Variants in PFKFB2 observed in about 807,000 individuals in gnomAD.
PFKFB2 encodes the protein 6-phosphofructo-2-kinase/fructose-2,6-biphosphatase 2.
A neutral mutation model predicts 68.0 loss-of-function variants in PFKFB2; 53 were observed. That is an observed-to-expected ratio of 0.78 (90% CI 0.63 to 0.98). The LOEUF (loss-of-function observed/expected upper bound fraction) is 0.98. Ranked by LOEUF, PFKFB2 falls within the 50% of genes least tolerant of loss-of-function variation. The pLI, the probability that PFKFB2 is intolerant of heterozygous loss-of-function variation, is 0.00. For synonymous variants in PFKFB2, 222 were observed against 227.6 expected (o/e 0.98, Z 0.22); for missense variants, 451 against 642.0 (o/e 0.70, Z 3.22).
intron 1 of PFKFB2, among the ~76,000 whole-genome samples, chr1:207,041,455 A>G (rs1227271463): frequency 1.3e-5 from 2 of 151,388 alleles, no homozygotes; most frequent in African/African-American, 4.9e-5. Flanking sequence ...TCATTGTTCA[A>G]CTCCCACTTA....
chr1:207,042,248 C>A (rs1682490004), intron 2 of PFKFB2: 1 of 152,054 alleles, frequency 6.6e-6, no homozygotes, highest in African/African-American at 2.4e-5. Context: ...TGCAACATGA[C>A]CAACATTAAG....
intron 1 of PFKFB2, among the ~76,000 whole-genome samples, chr1:207,053,904 A>ATTTT (rs574695365): frequency 1.1e-4 from 11 of 97,906 alleles, no homozygotes; most frequent in African/African-American, 3.6e-4. Context: ...TTCATTTTTC[A>ATTTT]TTTTTTTTTT....
intron 8 of PFKFB2, among the ~76,000 whole-genome samples, chr1:207,066,369 A>G (rs757886531): frequency 7.9e-5 from 12 of 152,254 alleles, no homozygotes; most frequent in Admixed American, 3.3e-4. Flanking sequence ...GGCACATTTA[A>G]TGTGCATGGC....
chr1:207,049,775 G>C (rs1388112912), upstream of PFKFB2: 4 of 1,514,700 alleles, frequency 2.6e-6, no homozygotes, highest in Non-Finnish European at 3.6e-6. Flanking sequence ...AGAAGAAACC[G>C]AGTGTTCTCT....
intron 2 of PFKFB2, among the ~76,000 whole-genome samples, chr1:207,056,577 G>C (rs1400674777): frequency 6.6e-6 from 1 of 151,634 alleles, no homozygotes; most frequent in East Asian, 1.9e-4. Flanking sequence ...TAGTTCCTTT[G>C]CCTTGAGGGC....
upstream of PFKFB2, chr1:207,052,434 G>A (rs150334113): frequency 1.6e-3 from 786 of 493,568 alleles, 4 homozygotes; most frequent in African/African-American, 0.01. Flanking sequence ...GGCCGAGGCG[G>A]GTGAATCACC....
upstream of PFKFB2, among the ~76,000 whole-genome samples, chr1:207,050,359 A>G (rs1187573029): frequency 6.6e-6 from 1 of 152,134 alleles, no homozygotes; most frequent in Non-Finnish European, 1.5e-5. Context: ...AAAGAGACAT[A>G]AGGACAGAGA....
downstream of PFKFB2, chr1:207,080,679 T>G (rs994608136): frequency 6.6e-6 from 1 of 151,330 alleles, no homozygotes; most frequent in African/African-American, 2.4e-5. Context: ...TTAATCAGAA[T>G]GTAATATAAT....
In PFKFB2 at chr1:207,077,484, T is replaced by C; in HGVS notation, c.*5113T>C. The C allele has an allele frequency of 1.0e-6, 1 of 985,496 alleles. No individual in the cohort carries two copies. The highest frequency in any genetic ancestry group is 1.7e-5 in the African/African-American group (1 of 57,334). 61.0% of individuals were successfully genotyped at this position (985,496 alleles called of 1,614,324 possible). ...TAACAAGAAGATCAACTTATGCTGG[T>C]ATGGTGATGGTTTTGCTATGGCAAA... On this transcript the variant is annotated 3_prime_UTR_variant, in exon 15 of 15. Coordinates refer to ENST00000367080, the MANE Select transcript of PFKFB2 (RefSeq NM_006212.2).
Position 207,073,745 on chromosome 1 carries a change from G to A in PFKFB2, c.*1374G>A, listed in dbSNP as rs1683538269. On this transcript the variant is annotated 3_prime_UTR_variant, in exon 15 of 15. Transcript: ENST00000367080. ...TTCTTTGTAGGGTTAAACAGAAAAT[G>A]TTTAGGGAAGAAATTCTTAGCCCCT... 7 of 984,926 alleles carry A rather than the reference G, an allele frequency of 7.1e-6. No individual in the cohort carries two copies. Among genetic ancestry groups the A allele is most frequent in the Middle Eastern group, 5.2e-4 (1 of 1,914 alleles). 61.0% of individuals were successfully genotyped at this position (984,926 alleles called of 1,614,324 possible).
intron 1 of PFKFB2, 48 bp from the exon 2 acceptor site, chr1:207,054,653 T>C: frequency 7.6e-7 from 1 of 1,314,346 alleles, no homozygotes; most frequent in Non-Finnish European, 1.1e-6. Context: ...TTAAGTTATG[T>C]CTTCTTTCTT....
chr1:207,050,884 G>T, upstream of PFKFB2: 1 of 1,607,718 alleles, frequency 6.2e-7, no homozygotes, highest in African/African-American at 1.3e-5. Flanking sequence ...CCTTGCAGCG[G>T]AGCCGCCACA....
upstream of PFKFB2, chr1:207,049,688 G>A (rs746886016): frequency 1.2e-6 from 2 of 1,614,046 alleles, no homozygotes; most frequent in South Asian, 1.1e-5. Context: ...GAACTTCTGG[G>A]CCTGGTTTGG....
Position 207,077,039 on chromosome 1 carries a change from G to A in PFKFB2, c.*4668G>A, listed in dbSNP as rs997078515. The A allele has an allele frequency of 5.9e-5, 58 of 984,236 alleles. No individual in the cohort carries two copies. In the Admixed American group the frequency reaches 8.6e-4, roughly 15 times the overall value. 61.0% of individuals were successfully genotyped at this position (984,236 alleles called of 1,614,324 possible). On this transcript the variant is annotated 3_prime_UTR_variant, in exon 15 of 15. Transcript: ENST00000367080. The stretch of plus-strand genomic sequence containing the variant: ...GTAGTGGCCAAATTCTCATTATTTT[G>A]TACAAGATAAAGGTTATGCATCACT...
chr1:207,072,275 T>A lies in PFKFB2; in HGVS notation c.1422T>A (p.Asn474Lys), dbSNP rs751201910. Reference sequence around the variant, plus strand: ...GCTTTACGCCTCTGTCCAGTTCGAATACAATAAGGCGTCCAAGAAATTACA... The same window carrying A: ...GCTTTACGCCTCTGTCCAGTTCGAAAACAATAAGGCGTCCAAGAAATTACA... ...RNSFTPLSSS[N>K]TIRRPRNYSV... The change falls in exon 15 of 15, where the codon AAT becomes AAA. Residue 474 changes from asparagine to lysine, a missense_variant. Asn to Lys is a moderately conservative substitution (Grantham distance 94). Transcript: ENST00000367080. The A allele has an allele frequency of 1.2e-6, 2 of 1,614,166 alleles. No homozygotes were observed. Among genetic ancestry groups the A allele is most frequent in the Admixed American group, 3.3e-5 (2 of 60,020 alleles).
rs1004387156 is a variant in PFKFB2, at chr1:207,071,644, A to G, written c.1350+71A>G. The stretch of plus-strand genomic sequence containing the variant: ...GAGTCTCTGAAGCTTTGACATCAAG[A>G]GACTGGGGTTTCTTTTATGTACAAA... On this transcript the variant is annotated intron_variant, in intron 14 of 14. Transcript: ENST00000367080. The G allele has an allele frequency of 4.2e-5, 46 of 1,100,108 alleles. 1 individual carries two copies. The highest frequency in any genetic ancestry group is 6.4e-5 in the Non-Finnish European group (46 of 722,700). 68.1% of individuals were successfully genotyped at this position (1,100,108 alleles called of 1,614,324 possible). A position where few individuals can be genotyped will look rare whatever the true frequency, so the allele number is the denominator to read the frequency against.
chr1:207,061,886 A>G, intron 2 of PFKFB2, 67 bp from the exon 3 acceptor site: 1 of 1,444,600 alleles, frequency 6.9e-7, no homozygotes, highest in Non-Finnish European at 9.7e-7. Flanking sequence ...GTCTCAAAAA[A>G]ACAAACACCA....
At position 207,070,146 on chromosome 1, in the gene PFKFB2, TA is replaced by T; in HGVS notation, c.1093-131del. ...GGCTGGGGGCAGTTAGCAGGTGATG[TA>T]AACTCACTGAGCCTCCAGGAGGAAA... is the stretch of plus-strand genomic sequence containing the variant. On this transcript the variant is annotated intron_variant, in intron 11 of 14. Coordinates refer to ENST00000367080, the MANE Select transcript of PFKFB2 (RefSeq NM_006212.2). The surrounding 1 kb of genome is among the most constrained non-coding windows in gnomAD (Gnocchi z 4.2). The T allele has an allele frequency of 1.0e-6, 1 of 983,840 alleles. No individual in the cohort carries two copies. 60.9% of individuals were successfully genotyped at this position (983,840 alleles called of 1,614,324 possible).
intron 1 of PFKFB2, among the ~76,000 whole-genome samples, chr1:207,053,625 A>G (rs1314850144): frequency 6.6e-6 from 1 of 152,156 alleles, no homozygotes; most frequent in East Asian, 1.9e-4. Flanking sequence ...GCATGAGCTC[A>G]GGACTTTCCC....
Sources: gnomAD v4.1 joint callset for allele counts (sites outside exome capture counted in the v4.1 genomes callset) on GRCh38, gnomAD v4.1.1 for gene constraint, Gnocchi (gnomAD v3.1) non-coding constraint, MANE v1.5 for transcripts, NCBI Gene and HGNC (gene_info 2026-07-23, HGNC 2026-07-21) for gene names.